The following WWOX variants were observed in gnomAD, a reference collection of about 807,000 sequenced individuals.
WWOX encodes WW domain-containing oxidoreductase.
A neutral mutation model predicts 46.2 loss-of-function variants in WWOX; 69 were observed. The ratio of observed to expected loss-of-function variants is 1.49; its 90% CI spans 1.23 to 1.82. The LOEUF (loss-of-function observed/expected upper bound fraction) is 1.82. Ranked by LOEUF, WWOX falls within the 40% of genes most tolerant of loss-of-function variation. The pLI, the probability that WWOX is intolerant of heterozygous loss-of-function variation, is 0.00. For synonymous variants in WWOX, 359 were observed against 202.6 expected (o/e 1.77, Z -6.56); for missense variants, 919 against 542.6 (o/e 1.69, Z -6.89).
At chr16:78,616,755 G>A (rs1025052547) in intron 8 of WWOX, among the ~76,000 whole-genome samples, 1 of 151,862 alleles carries the variant, frequency 6.6e-6, no homozygotes, top group Admixed American at 6.6e-5. Flanking sequence ...GACAGAGGGA[G>A]GAGACTCCAT....
intron 8 of WWOX, among the ~76,000 whole-genome samples, chr16:78,532,569 A>G (rs2043648027): frequency 6.6e-6 from 1 of 152,210 alleles, no homozygotes; most frequent in South Asian, 2.1e-4. Context: ...GTCTGTTTTC[A>G]TGCTACTGAT....
intron 8 of WWOX, among the ~76,000 whole-genome samples, chr16:79,058,830 G>C (rs79930120): frequency 0.029 from 4,360 of 152,258 alleles, 244 homozygotes; most frequent in African/African-American, 0.099. Flanking sequence ...TTTCAATGAA[G>C]ATTGTGTATT....
At chr16:78,801,528 C>G (rs1231308362) in intron 8 of WWOX, among the ~76,000 whole-genome samples, 5 of 152,130 alleles carry the variant, frequency 3.3e-5, no homozygotes, top group African/African-American at 1.2e-4. Context: ...GAAACCCTTG[C>G]TATTTTAGCT....
intron 8 of WWOX, among the ~76,000 whole-genome samples, chr16:78,744,724 G>A (rs1400385675): frequency 6.6e-6 from 1 of 152,112 alleles, no homozygotes; most frequent in African/African-American, 2.4e-5. Context: ...GAGCCACTGT[G>A]TATTTCTATT....
chr16:78,358,666 AAT>A (rs1248358306), intron 5 of WWOX, among the ~76,000 whole-genome samples: 1 of 78,220 alleles, frequency 1.3e-5, no homozygotes, highest in Non-Finnish European at 2.8e-5. Flanking sequence ...TCAAAAAATA[AAT>A]AATATGTGTG....
chr16:78,110,571 A>C (rs2032435252), intron 3 of WWOX, among the ~76,000 whole-genome samples: 1 of 152,168 alleles, frequency 6.6e-6, no homozygotes, highest in Non-Finnish European at 1.5e-5. Flanking sequence ...ATTATAAATA[A>C]TGTATTGAGC....
chr16:78,723,589 TTTC>T (rs1289026541), intron 8 of WWOX, among the ~76,000 whole-genome samples: 11 of 29,526 alleles, frequency 3.7e-4, no homozygotes, highest in African/African-American at 2.3e-3. Context: ...TTTCTTTTCT[TTTC>T]TTTTCTTTTC....
intron 8 of WWOX, among the ~76,000 whole-genome samples, chr16:78,548,475 A>AT: frequency 6.6e-6 from 1 of 152,262 alleles, no homozygotes. Context: ...AGGGGGAGAC[A>AT]TTTTTTTAAG....
At chr16:78,727,562 G>A (rs574385227) in intron 8 of WWOX, among the ~76,000 whole-genome samples, 1 of 152,338 alleles carries the variant, frequency 6.6e-6, no homozygotes, top group South Asian at 2.1e-4. Flanking sequence ...TGGGTCCTGA[G>A]TTCCAGTCCG....
chr16:78,500,525 C>T (rs549794571), intron 8 of WWOX, among the ~76,000 whole-genome samples: 1 of 152,102 alleles, frequency 6.6e-6, no homozygotes, highest in Non-Finnish European at 1.5e-5. Context: ...CATGAGAAGC[C>T]ATAGCAAGAT....
At chr16:78,722,710 T>TTG (rs1208153501) in intron 8 of WWOX, among the ~76,000 whole-genome samples, 1 of 150,238 alleles carries the variant, frequency 6.7e-6, no homozygotes, top group African/African-American at 2.5e-5. Flanking sequence ...TTTTTTTTTT[T>TTG]TTTTTTTTTT....
In WWOX at chr16:78,438,850, A is replaced by T. The variant is rs1159229022; in HGVS notation, c.1056+6098A>T. Among the ~76,000 whole-genome samples the T allele has an allele frequency of 3.9e-5, 6 of 152,160 alleles. No homozygotes were observed. In the East Asian group the frequency reaches 1.2e-3, roughly 29 times the overall value. ...GCCGGCAATGCTGGTCCTGTTGCAA[A>T]GTTATAAATTATAACTAGAAAAAGC... is the stretch of plus-strand genomic sequence containing the variant. On this transcript the variant is annotated intron_variant, in intron 8 of 8. Transcript: ENST00000566780.
At chr16:78,914,007 A>T (rs567610302) in intron 8 of WWOX, among the ~76,000 whole-genome samples, 1 of 151,992 alleles carries the variant, frequency 6.6e-6, no homozygotes, top group East Asian at 1.9e-4. Flanking sequence ...ATTCACTGAT[A>T]TTATTGGTCC....
chr16:78,420,204 T>A (rs930602763), intron 6 of WWOX, among the ~76,000 whole-genome samples: 1 of 152,126 alleles, frequency 6.6e-6, no homozygotes, highest in Admixed American at 6.5e-5. Context: ...GAAAACAGTT[T>A]GGCCATTATT....
intron 8 of WWOX, among the ~76,000 whole-genome samples, chr16:78,687,016 G>T (rs985985424): frequency 6.6e-5 from 10 of 152,124 alleles, no homozygotes; most frequent in African/African-American, 2.4e-4. Context: ...TCCCCAGTTG[G>T]CACATCATGG....
At chr16:78,555,394 G>A (rs577210067) in intron 8 of WWOX, among the ~76,000 whole-genome samples, 2 of 152,160 alleles carry the variant, frequency 1.3e-5, no homozygotes, top group East Asian at 1.9e-4. Flanking sequence ...CTTGGAAGGC[G>A]ATGTGTATAG....
At chr16:78,882,164 C>G (rs932724541) in intron 8 of WWOX, among the ~76,000 whole-genome samples, 2 of 152,130 alleles carry the variant, frequency 1.3e-5, no homozygotes, top group Non-Finnish European at 2.9e-5. Flanking sequence ...ATAGTTTTCT[C>G]CGTTTTGTGA....
chr16:78,166,143 C>G (rs1382037255), intron 5 of WWOX, among the ~76,000 whole-genome samples: 1 of 152,018 alleles, frequency 6.6e-6, no homozygotes, highest in African/African-American at 2.4e-5. Context: ...TACCAGCAAA[C>G]ACACTCACAT....
chr16:78,144,026 G>T (rs868079535), intron 4 of WWOX, among the ~76,000 whole-genome samples: 1 of 152,008 alleles, frequency 6.6e-6, no homozygotes, highest in Non-Finnish European at 1.5e-5. Context: ...TGACAAGTGT[G>T]TACACACACA....
Sources: gnomAD v4.1 joint callset for allele counts (sites outside exome capture counted in the v4.1 genomes callset) on GRCh38, gnomAD v4.1.1 for gene constraint, MANE v1.5 for transcripts, NCBI Gene and HGNC (gene_info 2026-07-23, HGNC 2026-07-21) for gene names.